The following LYPD6 variants were observed in gnomAD, a reference collection of about 807,000 sequenced individuals.
LYPD6 encodes ly6/PLAUR domain-containing protein 6.
Under a neutral mutation model 22.7 loss-of-function variants are expected in LYPD6, and 15 were observed. The observed-to-expected ratio is 0.66, with a 90% CI of 0.44 to 1.02. The LOEUF is 1.02. Among genes scored for constraint, LYPD6 ranks in the 50% least tolerant of loss-of-function variants. LYPD6 has a pLI of 0.00. For synonymous variants in LYPD6, 72 were observed against 77.5 expected (o/e 0.93, Z 0.37); for missense variants, 189 against 208.4 (o/e 0.91, Z 0.57).
At chr2:149,406,271 T>G (rs1682705375) in intron 1 of LYPD6, among the ~76,000 whole-genome samples, 1 of 152,114 alleles carries the variant, frequency 6.6e-6, no homozygotes, top group South Asian at 2.1e-4. Flanking sequence ...AGAGCTGAGT[T>G]CAATTCCTGG....
In LYPD6 at chr2:149,471,725, G is replaced by T. The variant is rs1464714978; in HGVS notation, c.*875G>T. 6.6e-6 allele frequency: 1 copy of T among 152,614 alleles called. No homozygotes were observed. Among genetic ancestry groups the T allele is most frequent in the Non-Finnish European group, 1.5e-5 (1 of 68,032 alleles). The allele number at this position is 152,614 out of a possible 1,614,324, so 9.5% of individuals were successfully genotyped here. A position where few individuals can be genotyped will look rare whatever the true frequency, so the allele number is the denominator to read the frequency against. The stretch of plus-strand genomic sequence containing the variant: ...TTCAGCCATAGATAATCTAGACAGA[G>T]GATTTCAGAATGAAAGGAAAAATGT... On this transcript the variant is annotated 3_prime_UTR_variant, in exon 5 of 5. Coordinates refer to ENST00000334166, the MANE Select transcript of LYPD6 (RefSeq NM_194317.5).
intron 1 of LYPD6, among the ~76,000 whole-genome samples, chr2:149,424,041 A>G (rs937177292): frequency 6.6e-6 from 1 of 152,226 alleles, no homozygotes; most frequent in East Asian, 1.9e-4. Flanking sequence ...TCGTCTCAAG[A>G]TGGCTTTATC....
the LYPD6 span, among the ~76,000 whole-genome samples, chr2:149,481,497 A>T: frequency 1.3e-5 from 2 of 152,230 alleles, no homozygotes; most frequent in African/African-American, 4.8e-5. Context: ...AAACACTGTT[A>T]TGAACAAATT....
At chr2:149,377,725 A>G (rs1425549805) in intron 1 of LYPD6, among the ~76,000 whole-genome samples, 3 of 151,496 alleles carry the variant, frequency 2.0e-5, no homozygotes. Flanking sequence ...GGTTGCAGTG[A>G]GCTGAGATCA....
intron 1 of LYPD6, among the ~76,000 whole-genome samples, chr2:149,410,034 A>G (rs997739065): frequency 2.6e-5 from 4 of 152,188 alleles, no homozygotes; most frequent in Non-Finnish European, 1.5e-5. Context: ...CCCTCTGAGC[A>G]GGAGCTGCAA....
chr2:149,403,830 T>C (rs1049200821), intron 1 of LYPD6, among the ~76,000 whole-genome samples: 1 of 152,204 alleles, frequency 6.6e-6, no homozygotes, highest in Non-Finnish European at 1.5e-5. Flanking sequence ...TGAATGGTAA[T>C]GCCTAGGTTT....
the LYPD6 span, among the ~76,000 whole-genome samples, chr2:149,481,556 C>CAA: frequency 2.8e-4 from 43 of 151,494 alleles, no homozygotes; most frequent in African/African-American, 1.0e-3. Flanking sequence ...CAAAACAAAA[C>CAA]AAAAAACAAA....
At chr2:149,366,467 C>T (rs1307715534) in intron 1 of LYPD6, among the ~76,000 whole-genome samples, 2 of 152,098 alleles carry the variant, frequency 1.3e-5, no homozygotes, top group African/African-American at 2.4e-5. Flanking sequence ...CCCCAGGTAG[C>T]TTCTGTTTGT....
At chr2:149,398,647 G>A (rs1228499836) in intron 1 of LYPD6, among the ~76,000 whole-genome samples, 2 of 152,012 alleles carry the variant, frequency 1.3e-5, no homozygotes, top group Non-Finnish European at 2.9e-5. Context: ...TCCAGCCCTA[G>A]CCCTCTCATG....
chr2:149,406,387 T>A (rs62190587), intron 1 of LYPD6, among the ~76,000 whole-genome samples: 41,341 of 149,790 alleles, frequency 0.28, 6,579 homozygotes, highest in African/African-American at 0.47. Context: ...TGTAGGTCAC[T>A]CAGGACTTGC....
At chr2:149,393,108 A>T (rs1682350454) in intron 1 of LYPD6, among the ~76,000 whole-genome samples, 1 of 152,218 alleles carries the variant, frequency 6.6e-6, no homozygotes. Context: ...TACTCACCTG[A>T]TTGAGCAGAA....
intron 1 of LYPD6, among the ~76,000 whole-genome samples, chr2:149,381,271 T>C (rs979154028): frequency 6.6e-6 from 1 of 152,100 alleles, no homozygotes; most frequent in Non-Finnish European, 1.5e-5. Flanking sequence ...TTTAGAGGGG[T>C]GAAACAACAG....
rs1681363159 is a variant in LYPD6, at chr2:149,472,424, C to A, written c.*1574C>A. 1 of 152,588 alleles carries A rather than the reference C, an allele frequency of 6.6e-6. No individual in the cohort carries two copies. The allele number at this position is 152,588 out of a possible 1,614,324, so 9.5% of individuals were successfully genotyped here. On this transcript the variant is annotated 3_prime_UTR_variant, in exon 5 of 5. Coordinates refer to ENST00000334166, the MANE Select transcript of LYPD6 (RefSeq NM_194317.5). The stretch of plus-strand genomic sequence containing the variant: ...GTGTTTTTGTGAAACTTGGTAGAAC[C>A]ATGGCTAATAAAGAGGACAGTGTTG...
intron 1 of LYPD6, among the ~76,000 whole-genome samples, chr2:149,425,593 T>A (rs1313107719): frequency 1.3e-5 from 2 of 152,254 alleles, no homozygotes; most frequent in African/African-American, 4.8e-5. Context: ...TAATAACCCC[T>A]GTATCCTTTT....
At chr2:149,385,671 G>A (rs1682166681) in intron 1 of LYPD6, among the ~76,000 whole-genome samples, 1 of 152,188 alleles carries the variant, frequency 6.6e-6, no homozygotes, top group East Asian at 1.9e-4. Flanking sequence ...GAGTAATTAA[G>A]CCTCGTTTGT....
chr2:149,368,783 T>A (rs923230953), intron 1 of LYPD6, among the ~76,000 whole-genome samples: 16 of 151,706 alleles, frequency 1.1e-4, no homozygotes, highest in African/African-American at 3.9e-4. Flanking sequence ...AGATAATGAA[T>A]TTGAGATCCT....
At chr2:149,446,071 T>C (rs1421053064) in intron 2 of LYPD6, among the ~76,000 whole-genome samples, 1 of 152,144 alleles carries the variant, frequency 6.6e-6, no homozygotes, top group African/African-American at 2.4e-5. Context: ...TCAGGAAATA[T>C]GGAGGTCTGG....
At chr2:149,462,609 C>G (rs531869708) in intron 3 of LYPD6, among the ~76,000 whole-genome samples, 1 of 150,912 alleles carries the variant, frequency 6.6e-6, no homozygotes, top group Non-Finnish European at 1.5e-5. Flanking sequence ...ATAGCTAAAA[C>G]GATTTTGAAA....
intron 1 of LYPD6, among the ~76,000 whole-genome samples, chr2:149,339,129 G>A (rs960332326): frequency 1.2e-4 from 19 of 152,158 alleles, no homozygotes; most frequent in Non-Finnish European, 1.8e-4. Flanking sequence ...TATACATTAT[G>A]AAGGTCACTG....
Sources: allele counts gnomAD v4.1 joint callset (sites outside exome capture counted in the v4.1 genomes callset), GRCh38; gene constraint gnomAD v4.1.1; transcripts MANE v1.5; gene names NCBI Gene and HGNC (gene_info 2026-07-23, HGNC 2026-07-21).